The following TMEFF2 variants were observed in gnomAD, a reference collection of about 807,000 sequenced individuals.
TMEFF2 encodes the protein tomoregulin-2.
In TMEFF2, 28 loss-of-function variants were observed where a neutral mutation model predicts 53.8. That is an observed-to-expected ratio of 0.52 (90% CI 0.39 to 0.71). TMEFF2 has a LOEUF of 0.71. Among genes scored for constraint, TMEFF2 ranks in the 30% least tolerant of loss-of-function variants. The probability of loss-of-function intolerance (pLI) is 0.00; values close to 1 mark genes in which losing one functional copy is unlikely to be tolerated. For missense variants in TMEFF2, 353 were observed against 455.2 expected, an observed-to-expected ratio of 0.78 and a Z score of 2.04; for synonymous variants, 162 against 166.3, an observed-to-expected ratio of 0.97 and a Z score of 0.20.
chr2:192,001,950 C>T (rs1312567562), intron 5 of TMEFF2, among the ~76,000 whole-genome samples: 9 of 152,146 alleles, frequency 5.9e-5, no homozygotes, highest in Admixed American at 5.9e-4. Flanking sequence ...GAAAAATTCA[C>T]TTAAGCTTTA....
At chr2:192,167,347 C>T (rs566521822) in intron 4 of TMEFF2, among the ~76,000 whole-genome samples, 6 of 151,940 alleles carry the variant, frequency 3.9e-5, no homozygotes, top group Non-Finnish European at 8.8e-5. Flanking sequence ...ATGTGTTGGG[C>T]GTATAGAAAC....
chr2:192,133,854 T>C (rs569196646), intron 4 of TMEFF2, among the ~76,000 whole-genome samples: 263 of 152,308 alleles, frequency 1.7e-3, no homozygotes, highest in African/African-American at 5.4e-3. Context: ...CTCGGCATAA[T>C]TCTCGTAAAA....
At position 191,981,535 on chromosome 2, in the gene TMEFF2, A is replaced by G. The variant is rs1285004856; in HGVS notation, c.745+16727T>C. Reference sequence around the variant, plus strand: ...GAAGAGATGAGATAGCGTGTTGTATATATAATGCATGACACAAAGTAAATG... The same window carrying G: ...GAAGAGATGAGATAGCGTGTTGTATGTATAATGCATGACACAAAGTAAATG... On this transcript the variant is annotated intron_variant, in intron 7 of 9. Transcript: ENST00000272771. Among the ~76,000 whole-genome samples the G allele has an allele frequency of 5.3e-5, 8 of 152,352 alleles. 1 individual carries two copies. The South Asian group carries it at 1.7e-3, about 32-fold the overall frequency.
At chr2:192,112,389 T>C (rs1355039865) in intron 4 of TMEFF2, among the ~76,000 whole-genome samples, 1 of 152,196 alleles carries the variant, frequency 6.6e-6, no homozygotes, top group East Asian at 1.9e-4. Context: ...CACTGGATTT[T>C]GGATTTGCGT....
At chr2:191,991,418 A>T (rs1686103914) in intron 7 of TMEFF2, among the ~76,000 whole-genome samples, 1 of 152,142 alleles carries the variant, frequency 6.6e-6, no homozygotes, top group Admixed American at 6.6e-5. Context: ...GAAAGTAACA[A>T]TAGCTAGCTT....
chr2:192,173,491 C>T (rs1477236635), intron 4 of TMEFF2, among the ~76,000 whole-genome samples: 3 of 151,712 alleles, frequency 2.0e-5, no homozygotes, highest in African/African-American at 7.3e-5. Flanking sequence ...TTTTGCAATG[C>T]TTAGTGCCCT....
At chr2:192,173,030 T>A (rs1690952844) in intron 4 of TMEFF2, among the ~76,000 whole-genome samples, 1 of 151,874 alleles carries the variant, frequency 6.6e-6, no homozygotes, top group Non-Finnish European at 1.5e-5. Context: ...GCTAATGGGT[T>A]CAAAAATACA....
chr2:192,082,961 A>ATTTT (rs377750674), intron 4 of TMEFF2, among the ~76,000 whole-genome samples: 8 of 142,828 alleles, frequency 5.6e-5, no homozygotes, highest in Non-Finnish European at 7.6e-5. Flanking sequence ...TAGAGAGTTG[A>ATTTT]TTTTTTTTTT....
chr2:191,998,671 A>G (rs1686282125), intron 6 of TMEFF2, among the ~76,000 whole-genome samples: 1 of 151,932 alleles, frequency 6.6e-6, no homozygotes, highest in African/African-American at 2.4e-5. Context: ...CATTTTAAAT[A>G]TTTGTACTGA....
At chr2:191,981,133 A>G (rs1574263452) in intron 7 of TMEFF2, among the ~76,000 whole-genome samples, 3 of 151,972 alleles carry the variant, frequency 2.0e-5, no homozygotes. Flanking sequence ...TGACTCCCCT[A>G]TTGAGCAGAA....
Position 192,194,771 on chromosome 2 carries a change from G to C in TMEFF2, c.-247C>G. Reference sequence around the variant, plus strand: ...GCTGAGAAGCTGCGCCGGAGACGCGGGAAGCTGCTGCCATAAGGAGGGAGC... The same window carrying C: ...GCTGAGAAGCTGCGCCGGAGACGCGCGAAGCTGCTGCCATAAGGAGGGAGC... On this transcript the variant is annotated 5_prime_UTR_variant, in exon 1 of 10. Transcript: ENST00000272771. This position sits in a 1 kb window ranked among gnomAD's most constrained non-coding sequence, Gnocchi z 4.2. The C allele has an allele frequency of 1.9e-6, 1 of 539,358 alleles. No individual in the cohort carries two copies. The highest frequency in any genetic ancestry group is 2.1e-5 in the South Asian group (1 of 47,760). The allele number at this position is 539,358 out of a possible 1,614,324, so 33.4% of individuals were successfully genotyped here.
Position 192,075,332 on chromosome 2 carries a change from T to TATATACACAC in TMEFF2, c.440-17558_440-17557insGTGTGTATAT, listed in dbSNP as rs796267672. Among the ~76,000 whole-genome samples the TATATACACAC allele has an allele frequency of 5.4e-3, 480 of 88,088 alleles. 15 individuals are homozygous for TATATACACAC. Among genetic ancestry groups the TATATACACAC allele is most frequent in the Admixed American group, 0.013 (95 of 7,178 alleles). 57.8% of individuals were successfully genotyped at this position (88,088 alleles called of 152,430 possible). On this transcript the variant is annotated intron_variant, in intron 4 of 9. Coordinates refer to ENST00000272771, the MANE Select transcript of TMEFF2 (RefSeq NM_016192.4). Reference sequence around the variant, plus strand: ...ATATATATATATATATATATATATATACATACATACTATGTATATCCTTGC... The same window carrying TATATACACAC: ...ATATATATATATATATATATATATATATATACACACACATACATACTATGTATATCCTTGC...
At chr2:192,017,049 G>T (rs928349707) in intron 5 of TMEFF2, among the ~76,000 whole-genome samples, 2 of 152,186 alleles carry the variant, frequency 1.3e-5, no homozygotes, top group Non-Finnish European at 2.9e-5. Context: ...AATGTAAGTC[G>T]AGTAGGACTT....
chr2:192,059,267 T>TA (rs201413983), intron 4 of TMEFF2, among the ~76,000 whole-genome samples: 274 of 141,526 alleles, frequency 1.9e-3, no homozygotes, highest in South Asian at 0.01. Flanking sequence ...TTGGATGTCT[T>TA]AAAAAAAAAA....
intron 4 of TMEFF2, among the ~76,000 whole-genome samples, chr2:192,160,055 A>G (rs1690596797): frequency 6.6e-6 from 1 of 152,096 alleles, no homozygotes; most frequent in African/African-American, 2.4e-5. Flanking sequence ...TTCTATTGTG[A>G]TATTACTGCC....
intron 7 of TMEFF2, among the ~76,000 whole-genome samples, chr2:191,959,481 A>G (rs1692206867): frequency 6.6e-6 from 1 of 152,234 alleles, no homozygotes; most frequent in Non-Finnish European, 1.5e-5. Flanking sequence ...TTGCAGGGAA[A>G]GAAACAGGGA....
chr2:191,950,843 G>A (rs1248870439), intron 9 of TMEFF2, among the ~76,000 whole-genome samples: 1 of 152,094 alleles, frequency 6.6e-6, no homozygotes, highest in African/African-American at 2.4e-5. Context: ...TGAACCAACT[G>A]TTAATATCTG....
chr2:192,161,817 G>A (rs1050009981), intron 4 of TMEFF2, among the ~76,000 whole-genome samples: 2 of 152,108 alleles, frequency 1.3e-5, no homozygotes, highest in African/African-American at 2.4e-5. Context: ...TTAAAATGGT[G>A]TTCGATAAAG....
chr2:192,070,895 T>C (rs966227590), intron 4 of TMEFF2, among the ~76,000 whole-genome samples: 7 of 151,890 alleles, frequency 4.6e-5, no homozygotes, highest in African/African-American at 1.4e-4. Context: ...AAGGCAAGTT[T>C]GCATTTCCTA....
Sources: gnomAD v4.1 joint callset for allele counts (sites outside exome capture counted in the v4.1 genomes callset) on GRCh38, gnomAD v4.1.1 for gene constraint, Gnocchi (gnomAD v3.1) non-coding constraint, MANE v1.5 for transcripts, NCBI Gene and HGNC (gene_info 2026-07-23, HGNC 2026-07-21) for gene names.